Variants in NUDT3 observed in about 807,000 individuals in gnomAD.
NUDT3 encodes diphosphoinositol polyphosphate phosphohydrolase 1.
Under a neutral mutation model 23.6 loss-of-function variants are expected in NUDT3, and 9 were observed. That is an observed-to-expected ratio of 0.38 (90% confidence interval 0.23 to 0.66). The LOEUF is 0.66. NUDT3 is among the 30% of genes least tolerant of loss of function. The probability of loss-of-function intolerance (pLI) is 0.52; values close to 1 mark genes in which losing one functional copy is unlikely to be tolerated. For missense variants in NUDT3, 172 were observed against 218.5 expected (o/e 0.79, Z 1.34); for synonymous variants, 86 against 82.6 (o/e 1.04, Z -0.22).
rs1189191448 is a variant in NUDT3, at chr6:34,392,230, C to G, written c.99+34G>C. 3.9e-6 allele frequency: 6 copies of G among 1,527,856 alleles called. 1 individual carries two copies. The South Asian group carries it at 5.9e-5, about 15-fold the overall frequency. 94.6% of individuals were successfully genotyped at this position (1,527,856 alleles called of 1,614,324 possible). On this transcript the variant is annotated intron_variant, in intron 1 of 4. Transcript: ENST00000607016. ...CCTCCACCCGAAGGGGCCGGAGACC[C>G]GGCGACCCCGGCCCGCCCAGCCTGC...
Position 34,286,048 on chromosome 6 carries a change from T to C in NUDT3, c.*2705A>G, listed in dbSNP as rs988594129. Reference sequence around the variant, plus strand: ...AACATACTCAGAACATTTAAAAATGTATAAATTACTGTTAGCACTGCAGTT... The same window carrying C: ...AACATACTCAGAACATTTAAAAATGCATAAATTACTGTTAGCACTGCAGTT... On this transcript the variant is annotated 3_prime_UTR_variant, in exon 5 of 5. Transcript: ENST00000607016. The C allele has an allele frequency of 3.3e-5, 5 of 152,210 alleles. No individual in the cohort carries two copies. Among genetic ancestry groups the C allele is most frequent in the East Asian group, 1.9e-4 (1 of 5,202 alleles). 9.4% of individuals were successfully genotyped at this position (152,210 alleles called of 1,614,324 possible). A position where few individuals can be genotyped will look rare whatever the true frequency, so the allele number is the denominator to read the frequency against.
intron 4 of NUDT3, 21 bp from the exon 5 acceptor site, chr6:34,288,952 G>T: frequency 6.3e-7 from 1 of 1,585,562 alleles, no homozygotes; most frequent in Non-Finnish European, 8.5e-7. Context: ...AGAGAGAAAA[G>T]AAACTAGTAC....
At chr6:34,389,896 G>A (rs1017783061) in intron 1 of NUDT3, among the ~76,000 whole-genome samples, 9 of 151,808 alleles carry the variant, frequency 5.9e-5, no homozygotes, top group Admixed American at 3.9e-4. Flanking sequence ...TCCGGGAGGC[G>A]GAGCTTGCAG....
chr6:34,323,981 A>G (rs186343985), intron 2 of NUDT3, among the ~76,000 whole-genome samples: 26 of 152,344 alleles, frequency 1.7e-4, no homozygotes, highest in African/African-American at 5.8e-4. Context: ...TATAGTGGGC[A>G]CTAGCTTAAT....
chr6:34,283,769 A>G lies in NUDT3; in HGVS notation c.*4984T>C, dbSNP rs1446067441. 1.3e-5 allele frequency: 2 copies of G among 152,232 alleles called. No individual in the cohort carries two copies. The highest frequency in any genetic ancestry group is 4.8e-5 in the African/African-American group (2 of 41,454). 9.4% of individuals were successfully genotyped at this position (152,232 alleles called of 1,614,324 possible). A position where few individuals can be genotyped will look rare whatever the true frequency, so the allele number is the denominator to read the frequency against. ...GCTCCCAGGACCTGTGGTGACCTCA[A>G]GCTAACCTGATGCACAGACAACAGT... On this transcript the variant is annotated 3_prime_UTR_variant, in exon 5 of 5. Transcript: ENST00000607016.
Position 34,282,736 on chromosome 6 carries a change from C to T in NUDT3, c.*6017G>A, listed in dbSNP as rs898279620. On this transcript the variant is annotated 3_prime_UTR_variant, in exon 5 of 5. Coordinates refer to ENST00000607016, the MANE Select transcript of NUDT3 (RefSeq NM_006703.4). ...CAAAATGGTGATGAACCTGGCAAAACGACAATGCTGCTGTTTTTGTATCCT... is the reference window on the plus strand; with the variant it reads ...CAAAATGGTGATGAACCTGGCAAAATGACAATGCTGCTGTTTTTGTATCCT... 5 of 152,142 alleles carry T rather than the reference C, an allele frequency of 3.3e-5. No homozygotes were observed. The highest frequency in any genetic ancestry group is 3.3e-4 in the Admixed American group (5 of 15,276). 9.4% of individuals were successfully genotyped at this position (152,142 alleles called of 1,614,324 possible).
chr6:34,315,882 A>G (rs564549803), intron 2 of NUDT3, among the ~76,000 whole-genome samples: 1 of 152,238 alleles, frequency 6.6e-6, no homozygotes, highest in Non-Finnish European at 1.5e-5. Context: ...TCACATGGCC[A>G]TAAATAGCTG....
At chr6:34,317,627 T>C (rs1038016870) in intron 2 of NUDT3, among the ~76,000 whole-genome samples, 1 of 152,220 alleles carries the variant, frequency 6.6e-6, no homozygotes, top group African/African-American at 2.4e-5. Flanking sequence ...ACATGGTACA[T>C]GGCTGTACCT....
intron 2 of NUDT3, among the ~76,000 whole-genome samples, chr6:34,339,303 G>T (rs1281507243): frequency 6.6e-6 from 1 of 152,166 alleles, no homozygotes; most frequent in Non-Finnish European, 1.5e-5. Flanking sequence ...TAACTTTCTA[G>T]TCTCTCCATG....
chr6:34,317,029 C>T (rs191901448), intron 2 of NUDT3, among the ~76,000 whole-genome samples: 11 of 151,964 alleles, frequency 7.2e-5, no homozygotes, highest in African/African-American at 2.4e-4. Context: ...TCTAGACACA[C>T]GTATTCTGAA....
chr6:34,384,704 T>C (rs1412495149), intron 1 of NUDT3, among the ~76,000 whole-genome samples: 4 of 152,198 alleles, frequency 2.6e-5, no homozygotes, highest in Non-Finnish European at 4.4e-5. Context: ...CAGTGTATGA[T>C]AAAGTATCAA....
chr6:34,343,647 A>G (rs1764322047), intron 1 of NUDT3, among the ~76,000 whole-genome samples: 1 of 152,180 alleles, frequency 6.6e-6, no homozygotes, highest in Admixed American at 6.5e-5. Flanking sequence ...TTTAGAAGAA[A>G]ACACAGGGGT....
intron 2 of NUDT3, among the ~76,000 whole-genome samples, chr6:34,319,409 C>T (rs1014262766): frequency 5.3e-5 from 8 of 152,190 alleles, no homozygotes; most frequent in Non-Finnish European, 8.8e-5. Context: ...AAGCAGCTCA[C>T]ATAACTCAGG....
chr6:34,351,741 C>CAAA (rs1017090378), intron 1 of NUDT3, among the ~76,000 whole-genome samples: 1,660 of 54,186 alleles, frequency 0.031, 39 homozygotes, highest in Non-Finnish European at 0.052. Flanking sequence ...AACTCTGTCT[C>CAAA]AAAAAAAAAA....
At chr6:34,289,622 TG>T (rs774479021) in intron 4 of NUDT3, among the ~76,000 whole-genome samples, 1 of 152,208 alleles carries the variant, frequency 6.6e-6, no homozygotes, top group Non-Finnish European at 1.5e-5. Context: ...ATGGCTGGTT[TG>T]TAATCAGTAA....
chr6:34,392,625 G>A lies in NUDT3; in HGVS notation c.-263C>T. The A allele has an allele frequency of 3.9e-6, 1 of 254,722 alleles. No individual in the cohort carries two copies. Among genetic ancestry groups the A allele is most frequent in the East Asian group, 7.5e-5 (1 of 13,422 alleles). 15.8% of individuals were successfully genotyped at this position (254,722 alleles called of 1,614,324 possible). On this transcript the variant is annotated 5_prime_UTR_variant, in exon 1 of 5. Transcript: ENST00000607016. ...CGCCCCCTCTGCCGCCGCCACCCCC[G>A]ACGACGACCGCGCCGCCATCTTGGG...
At chr6:34,323,803 T>C (rs973976364) in intron 2 of NUDT3, among the ~76,000 whole-genome samples, 6 of 152,234 alleles carry the variant, frequency 3.9e-5, no homozygotes, top group African/African-American at 1.2e-4. Context: ...GTATAGTGTT[T>C]ATTGTACTAT....
rs201224532 is a variant in NUDT3, at chr6:34,293,532, G to C, written c.259C>G (p.Gln87Glu). Reference protein sequence around the residue: ...LGRLVGIFENQERKHRTYVYV... With the variant: ...LGRLVGIFENEERKHRTYVYV... Reference sequence around the variant, plus strand: ...ACATACGTCCTGTGCTTCCTCTCCTGGTTCTGAAGGGCAAAGAGAGAAGGA... The same window carrying C: ...ACATACGTCCTGTGCTTCCTCTCCTCGTTCTGAAGGGCAAAGAGAGAAGGA... The change falls in exon 4 of 5, where the codon CAG becomes GAG. Residue 87 changes from glutamine (Q) to glutamate (E), a missense_variant. By Grantham distance (29) the Gln-to-Glu change is conservative (BLOSUM62 2). Transcript: ENST00000607016. 1.2e-6 allele frequency: 2 copies of C among 1,614,104 alleles called. No homozygotes were observed. Among genetic ancestry groups the C allele is most frequent in the East Asian group, 4.5e-5 (2 of 44,874 alleles).
At chr6:34,295,239 G>A (rs1181487168) in intron 3 of NUDT3, among the ~76,000 whole-genome samples, 2 of 151,612 alleles carry the variant, frequency 1.3e-5, no homozygotes, top group African/African-American at 2.4e-5. Flanking sequence ...AAAACTCACC[G>A]AGGTTGGGCA....
Sources: allele counts gnomAD v4.1 joint callset (sites outside exome capture counted in the v4.1 genomes callset), GRCh38; gene constraint gnomAD v4.1.1; transcripts MANE v1.5; gene names NCBI Gene and HGNC (gene_info 2026-07-23, HGNC 2026-07-21).